NBEA: variants seen among roughly 807,000 people sequenced by gnomAD.
NBEA encodes lysosomal-trafficking regulator 2.
In NBEA, 44 loss-of-function variants were observed where a neutral mutation model predicts 343.4. That is an observed-to-expected ratio of 0.13 (90% CI 0.10 to 0.16). The LOEUF is 0.16. NBEA is among the 10% of genes least tolerant of loss of function. The pLI is 1.00. For missense variants in NBEA, 2,555 were observed against 3,631.3 expected (o/e 0.70, Z 7.62); for synonymous variants, 1,175 against 1,238.7 (o/e 0.95, Z 1.08).
rs555587672 is a variant in NBEA at position 35,236,537 on chromosome 13, T to G, written c.5776+3918T>G. On this transcript the variant is annotated intron_variant, in intron 34 of 58. Coordinates refer to ENST00000379939, the MANE Select transcript of NBEA (RefSeq NM_001385012.1). ...TCTTGGCTCACTGCAAGCTCCGCCT[T>G]CTGGGTTCACGCCATTCTCCTGCCT... Among the ~76,000 whole-genome samples the G allele has an allele frequency of 3.3e-5, 5 of 152,040 alleles. No homozygotes were observed. In the South Asian group the frequency reaches 1.0e-3, roughly 32 times the overall value.
Position 35,278,620 on chromosome 13 carries a change from T to G in NBEA, c.5777-11769T>G, listed in dbSNP as rs550122836. ...ATTAAATAGAAATTTGATGCTTAAA[T>G]AACTAAGAACCAATACTTTTCCATA... On this transcript the variant is annotated intron_variant, in intron 34 of 58. Coordinates refer to ENST00000379939, the MANE Select transcript of NBEA (RefSeq NM_001385012.1). Among the ~76,000 whole-genome samples the G allele has an allele frequency of 1.4e-4, 21 of 152,352 alleles. No individual in the cohort carries two copies. The South Asian group carries it at 4.3e-3, about 32-fold the overall frequency.
At chr13:35,215,320 T>C (rs1308813164) in intron 33 of NBEA, among the ~76,000 whole-genome samples, 1 of 151,694 alleles carries the variant, frequency 6.6e-6, no homozygotes, top group Non-Finnish European at 1.5e-5. Flanking sequence ...CTTATTGTAG[T>C]TTTCATTGTA....
At chr13:35,192,173 A>T (rs973387136) in intron 30 of NBEA, among the ~76,000 whole-genome samples, 4 of 152,034 alleles carry the variant, frequency 2.6e-5, no homozygotes, top group Admixed American at 2.6e-4. Flanking sequence ...AGATGCAATC[A>T]TTTATAGTTT....
chr13:35,322,820 T>G (rs1170574042), intron 36 of NBEA, among the ~76,000 whole-genome samples: 1 of 152,182 alleles, frequency 6.6e-6, no homozygotes, highest in African/African-American at 2.4e-5. Flanking sequence ...GGAAATATAT[T>G]TCAAAATTTG....
chr13:35,302,157 C>G (rs1216080303), intron 35 of NBEA, among the ~76,000 whole-genome samples: 1 of 152,070 alleles, frequency 6.6e-6, no homozygotes, highest in Non-Finnish European at 1.5e-5. Flanking sequence ...CTTTATTGTT[C>G]TTACATTCCT....
At chr13:35,659,171 T>C (rs1037638790) in intron 55 of NBEA, among the ~76,000 whole-genome samples, 8 of 152,198 alleles carry the variant, frequency 5.3e-5, no homozygotes, top group Non-Finnish European at 1.0e-4. Context: ...GGAGGTTGTA[T>C]GTATTAACCT....
chr13:34,954,348 A>C (rs916200815), intron 1 of NBEA, among the ~76,000 whole-genome samples: 19 of 152,148 alleles, frequency 1.2e-4, no homozygotes, highest in Non-Finnish European at 2.6e-4. Context: ...GGATCAGCAC[A>C]TTATCTTACC....
intron 38 of NBEA, among the ~76,000 whole-genome samples, chr13:35,384,207 A>C (rs975775314): frequency 6.6e-6 from 1 of 152,238 alleles, no homozygotes; most frequent in South Asian, 2.1e-4. Flanking sequence ...TGCTAATATT[A>C]TATCAGTGTT....
chr13:34,985,624 CT>C (rs1178753208), intron 1 of NBEA, among the ~76,000 whole-genome samples: 1 of 150,778 alleles, frequency 6.6e-6, no homozygotes, highest in African/African-American at 2.4e-5. Context: ...CTACCAGCTC[CT>C]TTTTGTACCT....
Position 35,572,134 on chromosome 13 carries a change from G to A in NBEA, c.7035+5117G>A, listed in dbSNP as rs189382010. On this transcript the variant is annotated intron_variant, in intron 45 of 58. Coordinates refer to ENST00000379939, the MANE Select transcript of NBEA (RefSeq NM_001385012.1). ...AACACCAACCAACAGTAGGTTTAGAGATTTCCTCCCCACCCCATTTATATA... is the reference window on the plus strand; with the variant it reads ...AACACCAACCAACAGTAGGTTTAGAAATTTCCTCCCCACCCCATTTATATA... Among the ~76,000 whole-genome samples, 878 of 152,214 alleles carry A rather than the reference G, an allele frequency of 5.8e-3. 4 individuals are homozygous for A. Among genetic ancestry groups the A allele is most frequent in the African/African-American group, 0.018 (739 of 41,534 alleles).
Position 35,052,602 on chromosome 13 carries a change from A to G in NBEA, c.972+2207A>G, listed in dbSNP as rs566389129. Among the ~76,000 whole-genome samples the G allele has an allele frequency of 4.0e-5, 6 of 151,820 alleles. No homozygotes were observed. The South Asian group carries it at 1.2e-3, about 31-fold the overall frequency. ...ATATACATAATATCACTATGCACACATAGTTTCCAAGTTTATTTTTATTTT... is the reference window on the plus strand; with the variant it reads ...ATATACATAATATCACTATGCACACGTAGTTTCCAAGTTTATTTTTATTTT... On this transcript the variant is annotated intron_variant, in intron 6 of 58. Transcript: ENST00000379939.
chr13:35,530,851 A>G (rs771644829), intron 41 of NBEA, among the ~76,000 whole-genome samples: 21 of 152,198 alleles, frequency 1.4e-4, no homozygotes, highest in Non-Finnish European at 2.5e-4. Flanking sequence ...ACATAGGATC[A>G]TTACTAACAG....
At chr13:35,106,467 C>A (rs2065923451) in intron 11 of NBEA, among the ~76,000 whole-genome samples, 1 of 150,786 alleles carries the variant, frequency 6.6e-6, no homozygotes, top group Admixed American at 6.6e-5. Flanking sequence ...GGGTAGGGAT[C>A]AGGAGGATAA....
chr13:35,212,027 G>A (rs1593768889), intron 33 of NBEA, among the ~76,000 whole-genome samples: 1 of 143,406 alleles, frequency 7.0e-6, no homozygotes, highest in Non-Finnish European at 1.5e-5. Flanking sequence ...ACACACACAC[G>A]TATGTATTCA....
chr13:35,619,798 T>C (rs1433686754), intron 48 of NBEA, among the ~76,000 whole-genome samples: 1 of 152,220 alleles, frequency 6.6e-6, no homozygotes, highest in East Asian at 1.9e-4. Flanking sequence ...CTCTTGGAAC[T>C]GCAGTGTCCT....
chr13:35,043,668 TA>T (rs2062737336), intron 2 of NBEA, among the ~76,000 whole-genome samples: 1 of 151,862 alleles, frequency 6.6e-6, no homozygotes, highest in Non-Finnish European at 1.5e-5. Context: ...AATTTTGTCA[TA>T]GAGATTATTG....
chr13:35,211,653 A>G (rs1246442371), intron 33 of NBEA, among the ~76,000 whole-genome samples: 1 of 152,034 alleles, frequency 6.6e-6, no homozygotes, highest in African/African-American at 2.4e-5. Context: ...TGTCTTTACT[A>G]AAAATACAAA....
intron 48 of NBEA, among the ~76,000 whole-genome samples, chr13:35,612,441 A>T (rs2153055440): frequency 6.6e-6 from 1 of 152,158 alleles, no homozygotes; most frequent in Non-Finnish European, 1.5e-5. Context: ...CTACAATTTT[A>T]ATATATATTC....
At chr13:35,102,129 T>C (rs2065676331) in intron 11 of NBEA, among the ~76,000 whole-genome samples, 1 of 151,630 alleles carries the variant, frequency 6.6e-6, no homozygotes, top group Non-Finnish European at 1.5e-5. Flanking sequence ...ATTTTGTATA[T>C]GGTATGAGGT....
Sources: allele counts gnomAD v4.1 joint callset (sites outside exome capture counted in the v4.1 genomes callset), GRCh38; gene constraint gnomAD v4.1.1; transcripts MANE v1.5; gene names NCBI Gene and HGNC (gene_info 2026-07-23, HGNC 2026-07-21).